RAD51: variants seen among roughly 807,000 people sequenced by gnomAD.
RAD51 encodes the protein DNA repair protein RAD51 homolog 1.
A neutral mutation model predicts 41.5 loss-of-function variants in RAD51; 14 were observed. That is an observed-to-expected ratio of 0.34 (90% CI 0.22 to 0.53). The LOEUF is 0.53. Among genes scored for constraint, RAD51 ranks in the 20% least tolerant of loss-of-function variants. The probability of loss-of-function intolerance (pLI) is 0.95; values close to 1 mark genes in which losing one functional copy is unlikely to be tolerated. For synonymous variants in RAD51, 136 were observed against 148.6 expected (o/e 0.92, Z 0.62); for missense variants, 234 against 422.0 (o/e 0.55, Z 3.90).
rs768873069 is a variant in RAD51 at position 40,706,285 on chromosome 15, C to A, written c.334C>A (p.Leu112Ile). The change falls in exon 4 of 10, where the codon CTA becomes ATA. Residue 112 changes from leucine to isoleucine, a missense_variant. By Grantham distance (5) the Leu-to-Ile change is conservative. Coordinates refer to ENST00000267868, the MANE Select transcript of RAD51 (RefSeq NM_002875.5). Reference sequence around the variant, plus strand: ...TACTGGCTCCAAAGAGCTTGACAAACTACTTCAAGGTGTAGTAATCCTTTA... The same window carrying A: ...TACTGGCTCCAAAGAGCTTGACAAAATACTTCAAGGTGTAGTAATCCTTTA... The part of the protein sequence containing the change: ...ITTGSKELDK[L>I]LQGGIETGSI... 2.5e-6 allele frequency: 4 copies of A among 1,606,864 alleles called. No homozygotes were observed. The highest frequency in any genetic ancestry group is 2.6e-6 in the Non-Finnish European group (3 of 1,173,450).
At chr15:40,714,321 A>G (rs955516046) in intron 5 of RAD51, among the ~76,000 whole-genome samples, 6 of 152,222 alleles carry the variant, frequency 3.9e-5, no homozygotes, top group Non-Finnish European at 8.8e-5. Context: ...TCACTCTTAC[A>G]TCCGTCATTT....
At chr15:40,728,102 C>T (rs1567054319) in intron 6 of RAD51, among the ~76,000 whole-genome samples, 1 of 152,118 alleles carries the variant, frequency 6.6e-6, no homozygotes. Flanking sequence ...TCAGGTGATC[C>T]ACCTGCCTCG....
At chr15:40,713,871 G>T (rs1390807170) in intron 5 of RAD51, among the ~76,000 whole-genome samples, 1 of 152,072 alleles carries the variant, frequency 6.6e-6, no homozygotes, top group East Asian at 1.9e-4. Context: ...CTCTCAAAAT[G>T]CTGGGATTAC....
At chr15:40,708,142 C>T (rs113514814) in intron 4 of RAD51, among the ~76,000 whole-genome samples, 13,384 of 150,950 alleles carry the variant, frequency 0.089, 610 homozygotes, top group East Asian at 0.13. Flanking sequence ...CTCCGCCTCC[C>T]GAGTAGCTGG....
At chr15:40,730,178 T>G (rs558530159) in intron 9 of RAD51, among the ~76,000 whole-genome samples, 1 of 152,284 alleles carries the variant, frequency 6.6e-6, no homozygotes, top group East Asian at 1.9e-4. Context: ...TGTGGAAGAA[T>G]GAATATGAGT....
chr15:40,722,562 A>C (rs1295067039), intron 6 of RAD51, among the ~76,000 whole-genome samples: 1 of 152,094 alleles, frequency 6.6e-6, no homozygotes, highest in African/African-American at 2.4e-5. Context: ...TCAGTTTGGG[A>C]TGATGAAAAA....
At chr15:40,718,512 G>T (rs560472856) in intron 5 of RAD51, among the ~76,000 whole-genome samples, 6 of 106,682 alleles carry the variant, frequency 5.6e-5, no homozygotes, top group Non-Finnish European at 5.7e-5. Flanking sequence ...TGAGACTATC[G>T]CAAGAAAAAA....
At chr15:40,724,114 A>C (rs1896418549) in intron 6 of RAD51, among the ~76,000 whole-genome samples, 1 of 152,178 alleles carries the variant, frequency 6.6e-6, no homozygotes, top group African/African-American at 2.4e-5. Flanking sequence ...TATACCACTG[A>C]AGCATAAAAT....
At chr15:40,716,964 C>T (rs368845522) in intron 5 of RAD51, among the ~76,000 whole-genome samples, 199 of 152,080 alleles carry the variant, frequency 1.3e-3, no homozygotes, top group African/African-American at 4.6e-3. Flanking sequence ...GCCTGGCCTC[C>T]GGCCCTCTAC....
At chr15:40,731,031 C>G (rs1315573326) in intron 9 of RAD51, 24 bp from the exon 10 acceptor site, 1 of 1,613,732 alleles carries the variant, frequency 6.2e-7, no homozygotes, top group South Asian at 1.1e-5. Flanking sequence ...TAAATTGGTG[C>G]TTTGGTCTGT....
At chr15:40,696,023 C>A (rs1894604800) in intron 1 of RAD51, among the ~76,000 whole-genome samples, 1 of 152,008 alleles carries the variant, frequency 6.6e-6, no homozygotes, top group South Asian at 2.1e-4. Flanking sequence ...TACAGGCCCC[C>A]ACCACCACGC....
intron 5 of RAD51, among the ~76,000 whole-genome samples, chr15:40,712,877 CT>C (rs398039433): frequency 0.033 from 3,385 of 103,842 alleles, 87 homozygotes; most frequent in African/African-American, 0.12. Flanking sequence ...CTTTTCTTTT[CT>C]TTTTTTTTTT....
intron 6 of RAD51, 82 bp downstream of exon 6, chr15:40,718,981 G>A: frequency 7.7e-7 from 1 of 1,299,814 alleles, no homozygotes; most frequent in Non-Finnish European, 1.1e-6. Flanking sequence ...GCCGAAGAAT[G>A]TCTCTTCTAT....
intron 6 of RAD51, among the ~76,000 whole-genome samples, chr15:40,723,370 G>A (rs1896377346): frequency 6.6e-6 from 1 of 152,084 alleles, no homozygotes; most frequent in African/African-American, 2.4e-5. Context: ...ATAAAAACAT[G>A]TCTATACAAA....
intron 5 of RAD51, among the ~76,000 whole-genome samples, chr15:40,710,775 G>T (rs548724974): frequency 1.3e-5 from 2 of 152,186 alleles, no homozygotes; most frequent in East Asian, 3.9e-4. Context: ...GGTTACAATT[G>T]AGAAAGTGTC....
intron 4 of RAD51, among the ~76,000 whole-genome samples, chr15:40,707,813 G>A (rs955142713): frequency 7.2e-5 from 11 of 152,104 alleles, no homozygotes; most frequent in South Asian, 4.2e-4. Context: ...TGACTCCCAG[G>A]TTTGAGCAGT....
intron 3 of RAD51, among the ~76,000 whole-genome samples, chr15:40,704,477 T>G (rs964038580): frequency 2.6e-5 from 4 of 151,790 alleles, no homozygotes; most frequent in Non-Finnish European, 5.9e-5. Flanking sequence ...TTCTCCTGTT[T>G]CAGCCTCCTG....
chr15:40,707,402 G>A (rs534357349), intron 4 of RAD51, among the ~76,000 whole-genome samples: 43 of 152,162 alleles, frequency 2.8e-4, no homozygotes, highest in African/African-American at 1.0e-3. Flanking sequence ...CGCCTCCTGG[G>A]TTCAAGTGAT....
chr15:40,732,055 C>T lies in RAD51; in HGVS notation c.*877C>T. The T allele has an allele frequency of 4.8e-6, 1 of 209,980 alleles. No individual in the cohort carries two copies. The highest frequency in any genetic ancestry group is 9.7e-6 in the Non-Finnish European group (1 of 103,464). 13.0% of individuals were successfully genotyped at this position (209,980 alleles called of 1,614,324 possible). A position where few individuals can be genotyped will look rare whatever the true frequency, so the allele number is the denominator to read the frequency against. ...TCGAGATTGCACTGCTGCATTCCAG[C>T]CAGGGTGACAGAGTGAGACCATGTT... On this transcript the variant is annotated 3_prime_UTR_variant, in exon 10 of 10. Coordinates refer to ENST00000267868, the MANE Select transcript of RAD51 (RefSeq NM_002875.5).
Sources: allele counts gnomAD v4.1 joint callset (sites outside exome capture counted in the v4.1 genomes callset), GRCh38; gene constraint gnomAD v4.1.1; transcripts MANE v1.5; gene names NCBI Gene and HGNC (gene_info 2026-07-23, HGNC 2026-07-21).